MDGA2: variants seen among roughly 807,000 people sequenced by gnomAD.
MDGA2 encodes the protein MAM domain containing glycosylphosphatidylinositol anchor 2, also known as MAM domain-containing glycosylphosphatidylinositol anchor protein 2.
A neutral mutation model predicts 117.8 loss-of-function variants in MDGA2; 40 were observed. The observed-to-expected ratio is 0.34, with a 90% confidence interval of 0.26 to 0.44. The LOEUF (loss-of-function observed/expected upper bound fraction) is 0.44, where lower values mean the gene tolerates loss of function less well. MDGA2 is among the 20% of genes least tolerant of loss of function. The pLI is 1.00. For synonymous variants in MDGA2, 452 were observed against 439.0 expected, an observed-to-expected ratio of 1.03 and a Z score of -0.37; for missense variants, 1,123 against 1,250.6, an observed-to-expected ratio of 0.90 and a Z score of 1.54.
intron 7 of MDGA2, among the ~76,000 whole-genome samples, chr14:47,050,531 A>C (rs1299915432): frequency 6.6e-6 from 1 of 152,030 alleles, no homozygotes; most frequent in Non-Finnish European, 1.5e-5. Context: ...CACTGAAATA[A>C]GAGTTGAAAA....
intron 5 of MDGA2, among the ~76,000 whole-genome samples, chr14:47,123,242 A>C (rs1324977919): frequency 2.0e-5 from 3 of 152,066 alleles, no homozygotes; most frequent in South Asian, 2.1e-4. Context: ...AAAGAAATAC[A>C]AAAATTTCAT....
intron 5 of MDGA2, among the ~76,000 whole-genome samples, chr14:47,100,500 T>C (rs985397098): frequency 5.9e-5 from 9 of 152,118 alleles, no homozygotes; most frequent in African/African-American, 2.2e-4. Flanking sequence ...AATTCCCTTA[T>C]TACCATGAAA....
intron 3 of MDGA2, among the ~76,000 whole-genome samples, chr14:47,211,308 A>G (rs1885874951): frequency 2.0e-5 from 3 of 152,146 alleles, no homozygotes; most frequent in Admixed American, 2.0e-4. Context: ...ACTTGCTAAT[A>G]TGTTAGTCTG....
At chr14:47,554,105 G>A (rs1895639673) in intron 1 of MDGA2, among the ~76,000 whole-genome samples, 1 of 152,188 alleles carries the variant, frequency 6.6e-6, no homozygotes, top group African/African-American at 2.4e-5. Context: ...TTCTCTGGAT[G>A]CCTATGTCCT....
intron 1 of MDGA2, among the ~76,000 whole-genome samples, chr14:47,613,277 C>T (rs1468937307): frequency 6.6e-6 from 1 of 152,140 alleles, no homozygotes; most frequent in Non-Finnish European, 1.5e-5. Context: ...CATTAGACTG[C>T]AAACTGCTGA....
At chr14:47,311,482 C>G (rs930312448) in intron 1 of MDGA2, among the ~76,000 whole-genome samples, 1 of 151,994 alleles carries the variant, frequency 6.6e-6, no homozygotes, top group Admixed American at 6.6e-5. Context: ...GGACAAGTTT[C>G]TTAGCCTGTC....
At chr14:47,105,731 C>G (rs1005718019) in intron 5 of MDGA2, among the ~76,000 whole-genome samples, 1 of 149,822 alleles carries the variant, frequency 6.7e-6, no homozygotes, top group Admixed American at 6.7e-5. Context: ...CAGTGCAACT[C>G]GTCCCAAATC....
intron 1 of MDGA2, among the ~76,000 whole-genome samples, chr14:47,448,734 T>G (rs1893179591): frequency 6.6e-6 from 1 of 152,064 alleles, no homozygotes; most frequent in Non-Finnish European, 1.5e-5. Context: ...TTATCAAGCG[T>G]AAGAAAGAGA....
intron 1 of MDGA2, among the ~76,000 whole-genome samples, chr14:47,587,819 C>T (rs529664952): frequency 1.2e-4 from 18 of 151,832 alleles, no homozygotes; most frequent in Non-Finnish European, 1.8e-4. Flanking sequence ...CAATCTAATT[C>T]CAGAATGTTT....
At chr14:47,108,104 T>C (rs1880823173) in intron 5 of MDGA2, among the ~76,000 whole-genome samples, 2 of 151,160 alleles carry the variant, frequency 1.3e-5, no homozygotes, top group South Asian at 4.2e-4. Flanking sequence ...AAAGGTCTTT[T>C]AAAAACACAC....
intron 3 of MDGA2, among the ~76,000 whole-genome samples, chr14:47,190,269 G>C (rs1051895155): frequency 3.3e-5 from 5 of 152,200 alleles, no homozygotes; most frequent in Non-Finnish European, 5.9e-5. Flanking sequence ...GCATGAATGT[G>C]TAACCAGTCT....
intron 8 of MDGA2, among the ~76,000 whole-genome samples, chr14:47,001,789 C>A (rs1887539130): frequency 6.6e-6 from 1 of 152,018 alleles, no homozygotes. Context: ...AGACATAGTT[C>A]TTCAGCAATT....
At chr14:47,138,448 G>T (rs762431911) in intron 4 of MDGA2, among the ~76,000 whole-genome samples, 1 of 151,902 alleles carries the variant, frequency 6.6e-6, no homozygotes, top group Non-Finnish European at 1.5e-5. Flanking sequence ...AAAAGTTCTA[G>T]ACTAATGGAA....
chr14:46,897,680 A>G (rs1461633386), intron 10 of MDGA2, among the ~76,000 whole-genome samples: 1 of 29,336 alleles, frequency 3.4e-5, no homozygotes, highest in East Asian at 1.2e-3. Context: ...GTGTTAGCTA[A>G]TGCAATAATA....
intron 1 of MDGA2, among the ~76,000 whole-genome samples, chr14:47,461,292 T>TGTGTGTGTGTGTGTGTGTGTGG (rs1029446457): frequency 2.0e-5 from 3 of 151,804 alleles, no homozygotes; most frequent in African/African-American, 7.3e-5. Flanking sequence ...TGTGTGTGTG[T>TGTGTGTGTGTGTGTGTGTGTGG]GTGTGTATCT....
chr14:47,576,466 T>C (rs929763061), intron 1 of MDGA2, among the ~76,000 whole-genome samples: 3 of 152,236 alleles, frequency 2.0e-5, no homozygotes, highest in South Asian at 4.1e-4. Context: ...GGTGCAAATG[T>C]CAAATCAATC....
chr14:46,977,091 ATATT>A (rs1054159098), intron 8 of MDGA2, among the ~76,000 whole-genome samples: 1 of 151,934 alleles, frequency 6.6e-6, no homozygotes, highest in African/African-American at 2.4e-5. Flanking sequence ...TATAAAATAG[ATATT>A]TACAGTTATG....
chr14:47,313,390 A>G (rs1330593051), intron 1 of MDGA2, among the ~76,000 whole-genome samples: 2 of 152,114 alleles, frequency 1.3e-5, no homozygotes, highest in Non-Finnish European at 2.9e-5. Context: ...CTCCCGCCTC[A>G]GCCTCCCAAG....
intron 1 of MDGA2, among the ~76,000 whole-genome samples, chr14:47,384,923 A>C (rs1364361608): frequency 1.3e-5 from 2 of 152,150 alleles, no homozygotes; most frequent in Non-Finnish European, 2.9e-5. Flanking sequence ...TACAACGAAT[A>C]CTTCTGATGC....
Sources: gnomAD v4.1 joint callset for allele counts (sites outside exome capture counted in the v4.1 genomes callset) on GRCh38, gnomAD v4.1.1 for gene constraint, MANE v1.5 for transcripts, NCBI Gene and HGNC (gene_info 2026-07-23, HGNC 2026-07-21) for gene names.